GNA13: variants seen among roughly 807,000 people sequenced by gnomAD.
GNA13 encodes guanine nucleotide-binding protein subunit alpha-13.
GNA13 carries 4 observed loss-of-function variants against 33.5 expected under a neutral mutation model. The ratio of observed to expected loss-of-function variants is 0.12; its 90% CI spans 0.06 to 0.27. The LOEUF is 0.27. Ranked by LOEUF, GNA13 falls within the 10% of genes least tolerant of loss-of-function variation. GNA13 has a pLI of 1.00. For missense variants in GNA13, 319 were observed against 487.2 expected (o/e 0.65, Z 3.25); for synonymous variants, 176 against 183.8 (o/e 0.96, Z 0.34).
intron 2 of GNA13, among the ~76,000 whole-genome samples, chr17:65,026,396 G>A (rs1215234195): frequency 6.6e-6 from 1 of 152,132 alleles, no homozygotes; most frequent in Non-Finnish European, 1.5e-5. Flanking sequence ...ATATCAGGAA[G>A]CCATGACTAG....
chr17:65,046,825 T>C (rs576905674), intron 2 of GNA13, among the ~76,000 whole-genome samples: 4 of 152,356 alleles, frequency 2.6e-5, no homozygotes, highest in Non-Finnish European at 5.9e-5. Flanking sequence ...CAGAGAATCA[T>C]AAATTATTGT....
chr17:65,041,670 G>A (rs1205836025), intron 2 of GNA13, among the ~76,000 whole-genome samples: 1 of 152,080 alleles, frequency 6.6e-6, no homozygotes, highest in Non-Finnish European at 1.5e-5. Flanking sequence ...GAAGGGGTGT[G>A]GGGAGCACCT....
At chr17:65,018,092 TA>T (rs767082596) in intron 3 of GNA13, among the ~76,000 whole-genome samples, 160 bp downstream of exon 3, 14 of 21,504 alleles carry the variant, frequency 6.5e-4, no homozygotes, top group East Asian at 1.8e-3. Context: ...ACGCCACCAC[TA>T]AAAAAAAAAA....
intron 2 of GNA13, among the ~76,000 whole-genome samples, chr17:65,030,765 C>A (rs574125657): frequency 2.0e-5 from 3 of 152,266 alleles, no homozygotes; most frequent in East Asian, 3.9e-4. Flanking sequence ...GTAATCTCAG[C>A]ACTTTGGGAG....
intron 2 of GNA13, among the ~76,000 whole-genome samples, chr17:65,047,471 T>C (rs1344876522): frequency 6.6e-6 from 1 of 152,192 alleles, no homozygotes; most frequent in African/African-American, 2.4e-5. Flanking sequence ...GGATGAAATA[T>C]TTAACACTAA....
chr17:65,021,754 G>A (rs1906589854), intron 2 of GNA13, among the ~76,000 whole-genome samples: 1 of 152,218 alleles, frequency 6.6e-6, no homozygotes, highest in African/African-American at 2.4e-5. Flanking sequence ...TAGGTAAAGA[G>A]TAGAGTTTTT....
intron 2 of GNA13, among the ~76,000 whole-genome samples, chr17:65,025,605 C>CTT (rs1906749170): frequency 1.3e-5 from 2 of 152,106 alleles, no homozygotes; most frequent in Non-Finnish European, 2.9e-5. Flanking sequence ...CTCAATTAAA[C>CTT]TTACAAAATT....
chr17:65,016,479 G>A (rs1028427116), intron 3 of GNA13, among the ~76,000 whole-genome samples: 1 of 152,146 alleles, frequency 6.6e-6, no homozygotes, highest in Non-Finnish European at 1.5e-5. Flanking sequence ...CTGCTCCTCA[G>A]CCTCCCGAAT....
At chr17:65,016,904 C>CTTT (rs982477520) in intron 3 of GNA13, among the ~76,000 whole-genome samples, 2 of 152,160 alleles carry the variant, frequency 1.3e-5, no homozygotes, top group African/African-American at 4.8e-5. Context: ...TTTTAAAAGA[C>CTTT]AAGAAAATAC....
In GNA13 at chr17:65,056,339, G is replaced by A; in HGVS notation, c.255C>T (p.Arg85=). 1 of 1,611,524 alleles carries A rather than the reference G, an allele frequency of 6.2e-7. No homozygotes were observed. The highest frequency in any genetic ancestry group is 1.7e-5 in the Admixed American group (1 of 59,988). The change falls in exon 1 of 4, where the codon CGC becomes CGT. Residue 85 remains arginine (R), a synonymous_variant. Coordinates refer to ENST00000439174, the MANE Select transcript of GNA13 (RefSeq NM_006572.6). ...TGATCACGTTGCTGTAGATGGTGGG[G>A]CGGAACTCCTCGCGCGCGCGCTGGT... ...DFDQRAREEF[R]PTIYSNVIKG... is the part of the protein sequence containing the mutation.
In GNA13 at chr17:65,040,698, C is replaced by T. The variant is rs1244889215; in HGVS notation, c.510+12804G>A. ...TAGTAGAGACGGGTTTCACCATCTT[C>T]GCCAGGATGGTCTCGCTTTCCTGAC... On this transcript the variant is annotated intron_variant, in intron 2 of 3. Coordinates refer to ENST00000439174, the MANE Select transcript of GNA13 (RefSeq NM_006572.6). Among the ~76,000 whole-genome samples, 6 of 152,178 alleles carry T rather than the reference C, an allele frequency of 3.9e-5. No individual in the cohort carries two copies. The South Asian group carries it at 6.2e-4, about 16-fold the overall frequency.
chr17:65,041,109 AT>A (rs1316038634), intron 2 of GNA13, among the ~76,000 whole-genome samples: 3 of 152,232 alleles, frequency 2.0e-5, no homozygotes, highest in Non-Finnish European at 4.4e-5. Context: ...CAGAAAAATA[AT>A]TTTTTAAAAA....
At chr17:65,052,768 G>T (rs1444828293) in intron 2 of GNA13, among the ~76,000 whole-genome samples, 1 of 152,198 alleles carries the variant, frequency 6.6e-6, no homozygotes, top group Admixed American at 6.5e-5. Flanking sequence ...AAAAATGCCT[G>T]GCACAATGCC....
Position 65,011,866 on chromosome 17 carries a change from C to CA in GNA13, c.*2390dup, listed in dbSNP as rs1235677043. The CA allele has an allele frequency of 1.3e-5, 3 of 227,728 alleles. No individual in the cohort carries two copies. Among genetic ancestry groups the CA allele is most frequent in the Non-Finnish European group, 2.6e-5 (3 of 114,746 alleles). 14.1% of individuals were successfully genotyped at this position (227,728 alleles called of 1,614,324 possible). ...CATATAGTGGTATTTCAAAAGGATT[C>CA]AGTTTTCATGATACAGGTGTAAGAC... On this transcript the variant is annotated 3_prime_UTR_variant, in exon 4 of 4. Transcript: ENST00000439174.
rs549905147 is a variant in GNA13, at chr17:65,014,864, T to C, written c.562-35A>G. On this transcript the variant is annotated intron_variant, in intron 3 of 3. Transcript: ENST00000439174. The surrounding 1 kb of genome is among the most constrained non-coding windows in gnomAD (Gnocchi z 5.3). ...AAAAAACTTGTTTTATACCTATTAATCCCGAAGTAATGCGAATTTTTAATG... is the reference window on the plus strand; with the variant it reads ...AAAAAACTTGTTTTATACCTATTAACCCCGAAGTAATGCGAATTTTTAATG... The C allele has an allele frequency of 2.1e-5, 28 of 1,356,228 alleles. No individual in the cohort carries two copies. In the African/African-American group the frequency reaches 3.1e-4, roughly 15 times the overall value. 84.0% of individuals were successfully genotyped at this position (1,356,228 alleles called of 1,614,324 possible). A position where few individuals can be genotyped will look rare whatever the true frequency, so the allele number is the denominator to read the frequency against.
At chr17:65,053,797 C>A in intron 1 of GNA13, 69 bp from the exon 2 acceptor site, 1 of 984,734 alleles carries the variant, frequency 1.0e-6, no homozygotes, top group East Asian at 2.4e-5. Context: ...GTTTTTATTC[C>A]AGTATTATTT....
chr17:65,018,093 A>T (rs952778644), intron 3 of GNA13, among the ~76,000 whole-genome samples, 160 bp downstream of exon 3: 17 of 3,696 alleles, frequency 4.6e-3, no homozygotes, highest in Non-Finnish European at 0.015. Context: ...CGCCACCACT[A>T]AAAAAAAAAA....
chr17:65,056,680 C>T lies in GNA13; in HGVS notation c.-87G>A, dbSNP rs1458057982. 38 of 1,017,190 alleles carry T rather than the reference C, an allele frequency of 3.7e-5. No homozygotes were observed. The highest frequency in any genetic ancestry group is 3.3e-4 in the South Asian group (13 of 39,616). 63.0% of individuals were successfully genotyped at this position (1,017,190 alleles called of 1,614,324 possible). A position where few individuals can be genotyped will look rare whatever the true frequency, so the allele number is the denominator to read the frequency against. ...GGCGGGCGGCTCCGGCACCGAGGCT[C>T]GAGGGCGGGGAGCGCGGCGGCGGCC... On this transcript the variant is annotated 5_prime_UTR_variant, in exon 1 of 4. Transcript: ENST00000439174.
intron 2 of GNA13, 50 bp downstream of exon 2, chr17:65,053,452 T>G (rs1325014080): frequency 8.6e-7 from 1 of 1,168,522 alleles, no homozygotes; most frequent in Non-Finnish European, 1.3e-6. Flanking sequence ...CCTGTATTAC[T>G]AAACATCATT....
Sources: gnomAD v4.1 joint callset for allele counts (sites outside exome capture counted in the v4.1 genomes callset) on GRCh38, gnomAD v4.1.1 for gene constraint, Gnocchi (gnomAD v3.1) non-coding constraint, MANE v1.5 for transcripts, NCBI Gene and HGNC (gene_info 2026-07-23, HGNC 2026-07-21) for gene names.